ZNF726: variants seen among roughly 807,000 people sequenced by gnomAD.
ZNF726 encodes zinc finger protein 726.
ZNF726 carries 15 observed loss-of-function variants against 11.6 expected under a neutral mutation model. The ratio of observed to expected loss-of-function variants is 1.29; its 90% CI spans 0.86 to 1.99. The LOEUF is 1.99. Among genes scored for constraint, ZNF726 ranks in the 30% most tolerant of loss-of-function variants. ZNF726 has a pLI of 0.00. For synonymous variants in ZNF726, 295 were observed against 243.6 expected (o/e 1.21, Z -1.96); for missense variants, 890 against 725.6 (o/e 1.23, Z -2.60).
Position 23,932,678 on chromosome 19 carries a change from A to G in ZNF726, c.562A>G (p.Lys188Glu). 1 of 1,589,182 alleles carries G rather than the reference A, an allele frequency of 6.3e-7. No individual in the cohort carries two copies. Among genetic ancestry groups the G allele is most frequent in the Non-Finnish European group, 8.5e-7 (1 of 1,171,812 alleles). The change falls in exon 4 of 4, where the codon AAA becomes GAA. Residue 188 changes from lysine to glutamate, a missense_variant. Lys to Glu is a moderately conservative substitution (Grantham distance 56). Coordinates refer to ENST00000594466, the MANE Select transcript of ZNF726 (RefSeq NM_001244038.2). ...CVKSFCMFSHKTQHKSIYTTE... is the reference protein window; with the variant it reads ...CVKSFCMFSHETQHKSIYTTE... Reference sequence around the variant, plus strand: ...CAAATCATTTTGCATGTTTTCACACAAAACCCAGCATAAAAGCATATATAC... The same window carrying G: ...CAAATCATTTTGCATGTTTTCACACGAAACCCAGCATAAAAGCATATATAC...
chr19:23,936,425 A>G (rs1968232434), downstream of ZNF726, among the ~76,000 whole-genome samples: 1 of 152,214 alleles, frequency 6.6e-6, no homozygotes, highest in African/African-American at 2.4e-5. Flanking sequence ...AAAAAAGCAA[A>G]TAATGGAGTT....
chr19:23,922,796 A>G (rs1162414962), intron 3 of ZNF726, among the ~76,000 whole-genome samples: 1 of 152,182 alleles, frequency 6.6e-6, no homozygotes, highest in East Asian at 1.9e-4. Context: ...CAGTTCTTCA[A>G]CTGTAATGTA....
chr19:23,915,068 G>A (rs1967663054), intron 1 of ZNF726, 71 bp downstream of exon 1: 2 of 1,609,786 alleles, frequency 1.2e-6, no homozygotes, highest in Admixed American at 3.3e-5. Context: ...AGCGGCAGTG[G>A]CGGGACTCAG....
At chr19:23,936,543 A>AGGTAG (rs1873258062), downstream of ZNF726, among the ~76,000 whole-genome samples, 2 of 152,062 alleles carry the variant, frequency 1.3e-5, no homozygotes, top group South Asian at 4.1e-4. Flanking sequence ...CTTTTTTATT[A>AGGTAG]GGTAGGCCTT....
chr19:23,940,164 C>T (rs1338927988), intron 3 of ZNF726, among the ~76,000 whole-genome samples: 2 of 152,086 alleles, frequency 1.3e-5, no homozygotes, highest in South Asian at 4.1e-4. Context: ...AGGTTTAAGT[C>T]CTTATTTCAT....
At chr19:23,937,706 G>A (rs1004981674), downstream of ZNF726, among the ~76,000 whole-genome samples, 1 of 151,234 alleles carries the variant, frequency 6.6e-6, no homozygotes, top group Non-Finnish European at 1.5e-5. Context: ...GACGATGGGC[G>A]GCCAGGTAGA....
At chr19:23,920,216 AT>A in intron 3 of ZNF726, 134 bp downstream of exon 3, 5 of 498,198 alleles carry the variant, frequency 1.0e-5, no homozygotes, top group Non-Finnish European at 3.5e-6. Flanking sequence ...TTAAAAAAAA[AT>A]ATACTCTCAG....
chr19:23,939,607 C>G (rs1374446981), intron 3 of ZNF726, among the ~76,000 whole-genome samples: 2 of 152,088 alleles, frequency 1.3e-5, no homozygotes, highest in Admixed American at 1.3e-4. Flanking sequence ...CCACTTTTTT[C>G]CATAGCGGCT....
intron 1 of ZNF726, 53 bp downstream of exon 1, chr19:23,915,050 C>T (rs1217848433): frequency 3.7e-6 from 6 of 1,613,204 alleles, no homozygotes; most frequent in Non-Finnish European, 5.1e-6. Context: ...TGGCTGGAAC[C>T]GGTGGGAAGC....
downstream of ZNF726, among the ~76,000 whole-genome samples, chr19:23,936,922 T>G (rs1968243171): frequency 1.3e-5 from 2 of 152,004 alleles, no homozygotes; most frequent in South Asian, 4.1e-4. Flanking sequence ...CCCCTTTCTA[T>G]TCCACAAAAC....
Position 23,914,927 on chromosome 19 carries a change from C to T in ZNF726, c.-68C>T. ...GGAGCTCCAGGTCTCGTCCTCACTACTCTGTGTCTTCTGCTTTTAGGGGCG... is the reference window on the plus strand; with the variant it reads ...GGAGCTCCAGGTCTCGTCCTCACTATTCTGTGTCTTCTGCTTTTAGGGGCG... On this transcript the variant is annotated 5_prime_UTR_variant, in exon 1 of 4. Coordinates refer to ENST00000594466, the MANE Select transcript of ZNF726 (RefSeq NM_001244038.2). 2 of 1,610,436 alleles carry T rather than the reference C, an allele frequency of 1.2e-6. No homozygotes were observed. Among genetic ancestry groups the T allele is most frequent in the Non-Finnish European group, 1.7e-6 (2 of 1,178,638 alleles).
intron 3 of ZNF726, among the ~76,000 whole-genome samples, chr19:23,927,263 G>A (rs534490631): frequency 1.1e-4 from 17 of 152,040 alleles, no homozygotes; most frequent in African/African-American, 2.4e-4. Flanking sequence ...CACCTCACCC[G>A]GCCATAAAAA....
intron 3 of ZNF726, among the ~76,000 whole-genome samples, chr19:23,939,746 G>T (rs1334401297): frequency 5.3e-5 from 8 of 151,706 alleles, no homozygotes; most frequent in Admixed American, 5.2e-4. Context: ...TGGCATTGTG[G>T]TTTTGATTTG....
downstream of ZNF726, chr19:23,935,477 T>C (rs756882058): frequency 2.2e-5 from 11 of 489,620 alleles, 1 homozygote; most frequent in South Asian, 9.0e-5. Flanking sequence ...GTGAATAATA[T>C]GGAAAGCCTA....
At chr19:23,938,530 T>C (rs1241433167), downstream of ZNF726, among the ~76,000 whole-genome samples, 6 of 152,162 alleles carry the variant, frequency 3.9e-5, no homozygotes. Context: ...ATGCAAATTC[T>C]CTGTTTTAAC....
At chr19:23,922,135 C>T (rs1032540039) in intron 3 of ZNF726, among the ~76,000 whole-genome samples, 2 of 152,152 alleles carry the variant, frequency 1.3e-5, no homozygotes, top group Non-Finnish European at 1.5e-5. Context: ...TCTTGTTAAA[C>T]AGGGCTTGGA....
chr19:23,930,011 C>T (rs1404637071), intron 3 of ZNF726, among the ~76,000 whole-genome samples: 1 of 152,140 alleles, frequency 6.6e-6, no homozygotes, highest in Non-Finnish European at 1.5e-5. Flanking sequence ...TCAGGCTGAC[C>T]TGAAACTCCT....
intron 3 of ZNF726, among the ~76,000 whole-genome samples, chr19:23,940,726 C>G (rs1968325508): frequency 6.6e-6 from 1 of 152,048 alleles, no homozygotes; most frequent in Non-Finnish European, 1.5e-5. Context: ...AGATATGTTC[C>G]TAAGTATTTT....
At chr19:23,919,040 GCTGT>G (rs1967774924) in intron 1 of ZNF726, 1 of 205,470 alleles carries the variant, frequency 4.9e-6, no homozygotes, top group South Asian at 7.9e-5. Flanking sequence ...AATATAAACA[GCTGT>G]CTTTTTCATC....
Sources: allele counts gnomAD v4.1 joint callset (sites outside exome capture counted in the v4.1 genomes callset), GRCh38; gene constraint gnomAD v4.1.1; transcripts MANE v1.5; gene names NCBI Gene and HGNC (gene_info 2026-07-23, HGNC 2026-07-21).